Variants in DCLK1 observed in about 807,000 individuals in gnomAD.
DCLK1 encodes serine/threonine-protein kinase DCLK1.
A neutral mutation model predicts 86.2 loss-of-function variants in DCLK1; 16 were observed. The ratio of observed to expected loss-of-function variants is 0.19; its 90% CI spans 0.13 to 0.28. The LOEUF (loss-of-function observed/expected upper bound fraction) is 0.28. Among genes scored for constraint, DCLK1 ranks in the 10% least tolerant of loss-of-function variants. The pLI is 1.00. For missense variants in DCLK1, 590 were observed against 940.2 expected, an observed-to-expected ratio of 0.63 and a Z score of 4.87; for synonymous variants, 369 against 370.5, an observed-to-expected ratio of 1.00 and a Z score of 0.05.
chr13:35,837,947 T>A (rs1869506912), intron 7 of DCLK1, among the ~76,000 whole-genome samples: 1 of 151,792 alleles, frequency 6.6e-6, no homozygotes, highest in Admixed American at 6.6e-5. Context: ...ACGCCTGTAA[T>A]CCCAGCTACT....
intron 12 of DCLK1, 134 bp downstream of exon 12, chr13:35,810,701 C>T (rs2087123878): frequency 1.7e-6 from 2 of 1,159,676 alleles, no homozygotes; most frequent in Admixed American, 5.5e-5. Context: ...GAATAAAATA[C>T]AATTTTAAAA....
chr13:36,055,316 G>A (rs1362541383), intron 3 of DCLK1, among the ~76,000 whole-genome samples: 2 of 152,098 alleles, frequency 1.3e-5, no homozygotes, highest in Non-Finnish European at 2.9e-5. Context: ...TTGCTCCTCT[G>A]CCCTCTGTTG....
intron 3 of DCLK1, among the ~76,000 whole-genome samples, chr13:36,109,408 G>T (rs934128677): frequency 3.9e-5 from 6 of 152,322 alleles, no homozygotes; most frequent in African/African-American, 7.2e-5. Flanking sequence ...TGGTACAGTG[G>T]TTACCAGCAC....
chr13:36,006,469 T>C (rs897644475), intron 3 of DCLK1, among the ~76,000 whole-genome samples: 2 of 152,264 alleles, frequency 1.3e-5, no homozygotes, highest in African/African-American at 4.8e-5. Context: ...CAAATTTGTA[T>C]GTATGTTTAC....
intron 4 of DCLK1, among the ~76,000 whole-genome samples, chr13:35,925,563 T>C (rs948899783): frequency 1.6e-4 from 24 of 152,232 alleles, no homozygotes; most frequent in Non-Finnish European, 3.5e-4. Context: ...AATGCCTTTC[T>C]TGGGCTACAA....
At chr13:36,012,347 A>AT (rs1566645078) in intron 3 of DCLK1, among the ~76,000 whole-genome samples, 1 of 151,464 alleles carries the variant, frequency 6.6e-6, no homozygotes, top group African/African-American at 2.4e-5. Flanking sequence ...TTTTGGCATG[A>AT]TTTTGCCACG....
intron 16 of DCLK1, among the ~76,000 whole-genome samples, 186 bp from the exon 17 acceptor site, chr13:35,774,885 T>C (rs1163287036): frequency 3.3e-5 from 5 of 152,154 alleles, no homozygotes; most frequent in Non-Finnish European, 4.4e-5. Context: ...TCCAGGTCTT[T>C]AAGGGACCTG....
At chr13:35,843,740 C>A (rs1869984805) in intron 6 of DCLK1, among the ~76,000 whole-genome samples, 1 of 152,120 alleles carries the variant, frequency 6.6e-6, no homozygotes, top group African/African-American at 2.4e-5. Flanking sequence ...TCTTGGCATA[C>A]AATTATTACC....
intron 3 of DCLK1, among the ~76,000 whole-genome samples, chr13:35,977,497 C>A (rs748947699): frequency 6.6e-6 from 1 of 152,208 alleles, no homozygotes; most frequent in African/African-American, 2.4e-5. Flanking sequence ...ACATGGTTCT[C>A]CATTGCCCCA....
At chr13:35,812,332 C>T (rs998239837) in intron 11 of DCLK1, among the ~76,000 whole-genome samples, 1 of 151,334 alleles carries the variant, frequency 6.6e-6, no homozygotes, top group Non-Finnish European at 1.5e-5. Flanking sequence ...TTCACGAATG[C>T]CTCAAGGAAG....
chr13:35,866,616 A>ATTT (rs34743728), intron 5 of DCLK1, among the ~76,000 whole-genome samples: 3 of 135,280 alleles, frequency 2.2e-5, no homozygotes, highest in African/African-American at 8.2e-5. Context: ...TAATTTTTGT[A>ATTT]TTTTTTTTTT....
At chr13:36,112,845 C>A (rs116174892) in intron 2 of DCLK1, among the ~76,000 whole-genome samples, 1 of 152,108 alleles carries the variant, frequency 6.6e-6, no homozygotes, top group Non-Finnish European at 1.5e-5. Context: ...GTTCAACATA[C>A]AAACTACAGC....
intron 16 of DCLK1, among the ~76,000 whole-genome samples, chr13:35,789,792 G>A (rs2086680869): frequency 6.6e-6 from 1 of 152,044 alleles, no homozygotes. Flanking sequence ...TCTTCCCTCA[G>A]CTCTCAAAAA....
At chr13:35,998,335 A>T (rs969535824) in intron 3 of DCLK1, among the ~76,000 whole-genome samples, 9 of 152,142 alleles carry the variant, frequency 5.9e-5, no homozygotes, top group Middle Eastern at 3.2e-3. Context: ...TCATCCTAAA[A>T]AGAAAAATAG....
At chr13:36,078,801 C>T (rs1884309163) in intron 3 of DCLK1, among the ~76,000 whole-genome samples, 1 of 152,104 alleles carries the variant, frequency 6.6e-6, no homozygotes, top group East Asian at 1.9e-4. Context: ...TTTACACTTC[C>T]AATTTTACGT....
intron 3 of DCLK1, among the ~76,000 whole-genome samples, chr13:36,100,940 T>C (rs1885196809): frequency 6.6e-6 from 1 of 152,206 alleles, no homozygotes; most frequent in African/African-American, 2.4e-5. Context: ...AGCTGGAAAT[T>C]ATTTTCAAAA....
chr13:35,890,037 C>T (rs1873545945), intron 4 of DCLK1, among the ~76,000 whole-genome samples: 2 of 152,056 alleles, frequency 1.3e-5, no homozygotes, highest in Admixed American at 6.6e-5. Context: ...CAAGGCATTG[C>T]TTTTACTTTT....
chr13:35,947,310 G>A lies in DCLK1; in HGVS notation c.823+48C>T, dbSNP rs760756853. 31 of 1,537,424 alleles carry A rather than the reference G, an allele frequency of 2.0e-5. No homozygotes were observed. In the East Asian group the frequency reaches 3.7e-4, roughly 18 times the overall value. ...TCTTGGCCTGGTGCAGCTCATTTTC[G>A]AAAGCTGCCTCAAATTTCCCCTGGT... is the stretch of plus-strand genomic sequence containing the variant. On this transcript the variant is annotated intron_variant, in intron 4 of 16. Transcript: ENST00000360631.
intron 4 of DCLK1, among the ~76,000 whole-genome samples, chr13:35,908,563 A>G (rs1049294048): frequency 7.2e-5 from 11 of 152,078 alleles, no homozygotes; most frequent in Admixed American, 4.6e-4. Context: ...TATTCATTTT[A>G]CTTTATTTAT....
Sources: gnomAD v4.1 joint callset for allele counts (sites outside exome capture counted in the v4.1 genomes callset) on GRCh38, gnomAD v4.1.1 for gene constraint, MANE v1.5 for transcripts, NCBI Gene and HGNC (gene_info 2026-07-23, HGNC 2026-07-21) for gene names.